Variants in PDE6C observed in about 807,000 individuals in gnomAD.
PDE6C encodes phosphodiesterase 6C.
In PDE6C, 75 loss-of-function variants were observed where a neutral mutation model predicts 113.1. The observed-to-expected ratio is 0.66, with a 90% CI of 0.55 to 0.80. The LOEUF is 0.80. Among genes scored for constraint, PDE6C ranks in the 30% least tolerant of loss-of-function variants. The pLI, the probability that PDE6C is intolerant of heterozygous loss-of-function variation, is 0.00. For synonymous variants in PDE6C, 375 were observed against 363.7 expected, an observed-to-expected ratio of 1.03 and a Z score of -0.35; for missense variants, 912 against 1,038.6, an observed-to-expected ratio of 0.88 and a Z score of 1.67.
At chr10:93,654,863 A>C (rs1334673004) in intron 15 of PDE6C, among the ~76,000 whole-genome samples, 1 of 144,734 alleles carries the variant, frequency 6.9e-6, no homozygotes, top group East Asian at 2.0e-4. Flanking sequence ...GCTGGAGTGC[A>C]ATGGCACAGT....
chr10:93,620,322 C>T (rs1195237150), intron 1 of PDE6C, among the ~76,000 whole-genome samples: 1 of 152,120 alleles, frequency 6.6e-6, no homozygotes, highest in Non-Finnish European at 1.5e-5. Context: ...TTGTGCCTTC[C>T]CCTCTCTTCC....
Position 93,662,650 on chromosome 10 carries a change from A to G in PDE6C, c.2367+7A>G. ...TTGTACTTTTGTATATAAGGTAAGT[A>G]AGCAAATTATTTGAATTAAATACAT... On this transcript the variant is annotated splice_region_variant and intron_variant, in intron 20 of 21. Transcript: ENST00000371447. 1 of 1,193,942 alleles carries G rather than the reference A, an allele frequency of 8.4e-7. No homozygotes were observed. The highest frequency in any genetic ancestry group is 1.3e-6 in the Non-Finnish European group (1 of 797,244). The allele number at this position is 1,193,942 out of a possible 1,614,324, so 74.0% of individuals were successfully genotyped here.
Position 93,635,567 on chromosome 10 carries a change from A to G in PDE6C, c.1340A>G (p.Asn447Ser). ...DTYDKMNKLE[N>S]RKDIAQEMLM... The stretch of plus-strand genomic sequence containing the variant: ...TACGATAAGATGAATAAGCTAGAAA[A>G]CAGAAAGGACATTGCTCAGGAAATG... Residue 447 changes from asparagine (N) to serine (S), a missense_variant, in exon 10 of 22, where the codon AAC becomes AGC. By Grantham distance (46) the Asn-to-Ser change is conservative (BLOSUM62 1). Transcript: ENST00000371447. 6.2e-7 allele frequency: 1 copy of G among 1,613,692 alleles called. No individual in the cohort carries two copies. The highest frequency in any genetic ancestry group is 8.5e-7 in the Non-Finnish European group (1 of 1,179,556).
chr10:93,619,959 G>A (rs1397381974), intron 1 of PDE6C, among the ~76,000 whole-genome samples: 3 of 152,222 alleles, frequency 2.0e-5, no homozygotes, highest in Middle Eastern at 3.4e-3. Flanking sequence ...AATCTAAGAG[G>A]TGAGTTCACA....
chr10:93,654,774 CTT>C (rs144577716), intron 15 of PDE6C, among the ~76,000 whole-genome samples: 65 of 55,898 alleles, frequency 1.2e-3, no homozygotes, highest in African/African-American at 3.1e-3. Flanking sequence ...TTCTTTCTTT[CTT>C]TCTTTCTTTC....
intron 7 of PDE6C, among the ~76,000 whole-genome samples, chr10:93,628,216 A>G (rs1175913305): frequency 6.6e-6 from 1 of 150,868 alleles, no homozygotes; most frequent in Non-Finnish European, 1.5e-5. Flanking sequence ...AAATCACTTA[A>G]CCTCTTTAGG....
chr10:93,627,799 A>G (rs1164541132), intron 7 of PDE6C, among the ~76,000 whole-genome samples: 4 of 152,242 alleles, frequency 2.6e-5, no homozygotes, highest in Non-Finnish European at 5.9e-5. Context: ...AAATTAATGC[A>G]TGGCATGAAA....
chr10:93,614,272 A>T (rs979025991), intron 1 of PDE6C, among the ~76,000 whole-genome samples: 3 of 152,194 alleles, frequency 2.0e-5, no homozygotes, highest in Non-Finnish European at 1.5e-5. Context: ...GAAGCTGATT[A>T]TAGGGGGAGG....
intron 15 of PDE6C, among the ~76,000 whole-genome samples, chr10:93,653,313 T>A (rs1589703668): frequency 6.6e-6 from 1 of 152,142 alleles, no homozygotes; most frequent in East Asian, 1.9e-4. Context: ...TGGACTGATA[T>A]GTACAATAGA....
chr10:93,659,174 CCAGTT>C lies in PDE6C; in HGVS notation c.2208+8_2208+12del. On this transcript the variant is annotated splice_region_variant and intron_variant, in intron 18 of 21. Transcript: ENST00000371447. The stretch of plus-strand genomic sequence containing the variant: ...CTGGGAGGTGCAAAGTCAGGTGAGT[CCAGTT>C]AAGTTTTCTTTTCTGTCACACTGTC... 6 of 1,596,736 alleles carry C rather than the reference CCAGTT, an allele frequency of 3.8e-6. No homozygotes were observed. The highest frequency in any genetic ancestry group is 5.1e-6 in the Non-Finnish European group (6 of 1,166,536).
chr10:93,644,786 A>G (rs1014350055), intron 14 of PDE6C, among the ~76,000 whole-genome samples: 6 of 147,008 alleles, frequency 4.1e-5, no homozygotes, highest in Admixed American at 1.4e-4. Flanking sequence ...GCGTGTATAT[A>G]TATATATATA....
At chr10:93,631,110 C>T (rs940943459) in intron 8 of PDE6C, among the ~76,000 whole-genome samples, 46 of 152,376 alleles carry the variant, frequency 3.0e-4, no homozygotes, top group African/African-American at 1.1e-3. Flanking sequence ...ACTGCAGCTA[C>T]TGCTCTGATG....
At chr10:93,632,876 A>G (rs149211310) in intron 8 of PDE6C, among the ~76,000 whole-genome samples, 1,605 of 152,332 alleles carry the variant, frequency 0.011, 22 homozygotes, top group African/African-American at 0.037. Context: ...TAGATTGAGC[A>G]CTTATTACAT....
At chr10:93,627,258 CAAAAAAA>C (rs57142181) in intron 7 of PDE6C, among the ~76,000 whole-genome samples, 3 of 52,580 alleles carry the variant, frequency 5.7e-5, no homozygotes, top group Non-Finnish European at 1.1e-4. Flanking sequence ...TGAAACTCCA[CAAAAAAA>C]AAAAAAAAAA....
chr10:93,613,514 C>A (rs1282030638), intron 1 of PDE6C, among the ~76,000 whole-genome samples: 1 of 152,220 alleles, frequency 6.6e-6, no homozygotes, highest in East Asian at 1.9e-4. Flanking sequence ...CACACCCTCC[C>A]TTACGCCTCC....
intron 11 of PDE6C, among the ~76,000 whole-genome samples, chr10:93,637,709 T>A (rs2058540523): frequency 1.3e-5 from 2 of 152,192 alleles, no homozygotes; most frequent in Non-Finnish European, 2.9e-5. Context: ...ATTTTGACTA[T>A]TTTCCCCTGT....
rs529412392 is a variant in PDE6C, at chr10:93,637,917, T to C, written c.1482+854T>C. 1.1e-3 allele frequency among the ~76,000 whole-genome samples: 172 copies of C among 152,218 alleles called. 1 individual carries two copies. Among genetic ancestry groups the C allele is most frequent in the African/African-American group, 4.0e-3 (167 of 41,540 alleles). On this transcript the variant is annotated intron_variant, in intron 11 of 21. Coordinates refer to ENST00000371447, the MANE Select transcript of PDE6C (RefSeq NM_006204.4). ...CGTGTAGGGGCTCTGAGTGATATTA[T>C]CCTTCTGCAAAGAGCATTAGAGTTT...
chr10:93,654,854 C>T (rs2058629213), intron 15 of PDE6C, among the ~76,000 whole-genome samples: 1 of 144,956 alleles, frequency 6.9e-6, no homozygotes, highest in Non-Finnish European at 1.5e-5. Context: ...GTCACCCAAG[C>T]TGGAGTGCAA....
chr10:93,618,429 G>C (rs751374215), intron 1 of PDE6C, among the ~76,000 whole-genome samples: 6 of 152,144 alleles, frequency 3.9e-5, no homozygotes, highest in Non-Finnish European at 7.3e-5. Context: ...GGACCATACA[G>C]CTAGTACACT....
Sources: gnomAD v4.1 joint callset for allele counts (sites outside exome capture counted in the v4.1 genomes callset) on GRCh38, gnomAD v4.1.1 for gene constraint, MANE v1.5 for transcripts, NCBI Gene and HGNC (gene_info 2026-07-23, HGNC 2026-07-21) for gene names.